The following CSGALNACT1 variants were observed in gnomAD, a reference collection of about 807,000 sequenced individuals.
CSGALNACT1 encodes the protein beta4GalNAcT-1.
CSGALNACT1 carries 52 observed loss-of-function variants against 51.0 expected under a neutral mutation model. That is an observed-to-expected ratio of 1.02 (90% confidence interval 0.82 to 1.29). CSGALNACT1 has a LOEUF of 1.29. Ranked by LOEUF, CSGALNACT1 falls within the 50% of genes most tolerant of loss-of-function variation. The pLI is 0.00. For missense variants in CSGALNACT1, 935 were observed against 679.2 expected, an observed-to-expected ratio of 1.38 and a Z score of -4.19; for synonymous variants, 341 against 254.4, an observed-to-expected ratio of 1.34 and a Z score of -3.24.
Position 19,601,810 on chromosome 8 carries a change from C to G in CSGALNACT1, c.-455G>C, listed in dbSNP as rs574353929. The G allele has an allele frequency of 5.1e-5, 23 of 454,062 alleles. No individual in the cohort carries two copies. Among genetic ancestry groups the G allele is most frequent in the African/African-American group, 4.2e-4 (21 of 50,114 alleles). The allele number at this position is 454,062 out of a possible 1,614,324, so 28.1% of individuals were successfully genotyped here. A position where few individuals can be genotyped will look rare whatever the true frequency, so the allele number is the denominator to read the frequency against. ...AGGGAAGGTTAGGAGGTGGCTACAT[C>G]ATTGCTCCTCTGGGTCAAAATTACC... On this transcript the variant is annotated 5_prime_UTR_variant, in exon 2 of 10. An upstream start codon of the reference 5' UTR is lost. Coordinates refer to ENST00000454498, the Ensembl canonical transcript of CSGALNACT1.
chr8:19,715,314 GA>G (rs1434807997), intron 1 of CSGALNACT1, among the ~76,000 whole-genome samples: 1 of 151,780 alleles, frequency 6.6e-6, no homozygotes, highest in Non-Finnish European at 1.5e-5. Flanking sequence ...TTTGGGTGGG[GA>G]CACAGAGCCA....
rs1298677118 is a variant in CSGALNACT1, at chr8:19,757,272, G to A, written c.-297+578C>T. The stretch of plus-strand genomic sequence containing the variant: ...CCTCCTGCGCGGCCGCCGCGGACTC[G>A]GCTCCACCTCCCGCTCCGGCAGCCG... On this transcript the variant is annotated intron_variant, in intron 1 of 1. Coordinates refer to the CSGALNACT1 transcript ENST00000517494. The surrounding 1 kb of genome is among the most constrained non-coding windows in gnomAD (Gnocchi z 4.0). 6.7e-6 allele frequency: 1 copy of A among 150,172 alleles called. No individual in the cohort carries two copies. 9.3% of individuals were successfully genotyped at this position (150,172 alleles called of 1,614,324 possible).
chr8:19,604,745 T>A (rs867236592), upstream of CSGALNACT1, among the ~76,000 whole-genome samples: 992 of 130,354 alleles, frequency 7.6e-3, 10 homozygotes, highest in African/African-American at 0.026. Context: ...GTCTCTACTT[T>A]AAAAAAAAAA....
At chr8:19,502,467 G>A (rs908028837) in intron 4 of CSGALNACT1, among the ~76,000 whole-genome samples, 4 of 152,184 alleles carry the variant, frequency 2.6e-5, no homozygotes, top group African/African-American at 9.7e-5. Flanking sequence ...AGGATCATCT[G>A]CAAGCATGCC....
chr8:19,429,058 G>C (rs1373443478), intron 6 of CSGALNACT1, among the ~76,000 whole-genome samples: 1 of 152,060 alleles, frequency 6.6e-6, no homozygotes, highest in East Asian at 1.9e-4. Flanking sequence ...GAAACAGTCA[G>C]TTCTAATCCC....
At chr8:19,592,577 C>A (rs2048058294) in intron 2 of CSGALNACT1, among the ~76,000 whole-genome samples, 1 of 152,084 alleles carries the variant, frequency 6.6e-6, no homozygotes, top group Non-Finnish European at 1.5e-5. Flanking sequence ...CATGGCAAAA[C>A]TCAGTCTCTA....
chr8:19,466,815 C>T (rs1034194669), intron 4 of CSGALNACT1, among the ~76,000 whole-genome samples: 5 of 152,222 alleles, frequency 3.3e-5, no homozygotes, highest in African/African-American at 1.2e-4. Flanking sequence ...CTTTCCCGTG[C>T]ATCACAGTTC....
chr8:19,407,782 CAT>C (rs2054574530), intron 9 of CSGALNACT1, among the ~76,000 whole-genome samples: 1 of 149,092 alleles, frequency 6.7e-6, no homozygotes, highest in African/African-American at 2.6e-5. Flanking sequence ...ATTGTGTGCA[CAT>C]GTGGACATTT....
intron 1 of CSGALNACT1, among the ~76,000 whole-genome samples, chr8:19,631,294 G>T (rs7008647): frequency 0.015 from 2,217 of 152,062 alleles, 54 homozygotes; most frequent in African/African-American, 0.05. Flanking sequence ...CTTCCCAAGT[G>T]GCTATACCAT....
rs116185800 is a variant in CSGALNACT1, at chr8:19,419,223, C to T, written c.1133-473G>A. Among the ~76,000 whole-genome samples the T allele has an allele frequency of 5.6e-3, 851 of 152,278 alleles. 17 individuals carry two copies. The highest frequency in any genetic ancestry group is 0.02 in the African/African-American group (819 of 41,560). On this transcript the variant is annotated intron_variant, in intron 7 of 9. Coordinates refer to ENST00000454498, the Ensembl canonical transcript of CSGALNACT1. ...TGCAGCACCAAGTGGACCAGACAGT[C>T]ATATCTGCAAATATTTCTGATCTCC...
intron 1 of CSGALNACT1, among the ~76,000 whole-genome samples, chr8:19,629,091 T>TA (rs1299277700): frequency 6.6e-6 from 1 of 152,210 alleles, no homozygotes; most frequent in African/African-American, 2.4e-5. Context: ...TAATTGGAGT[T>TA]ATTCAATCTA....
chr8:19,620,527 T>C (rs994539298), intron 1 of CSGALNACT1, among the ~76,000 whole-genome samples: 5 of 151,522 alleles, frequency 3.3e-5, no homozygotes, highest in African/African-American at 9.7e-5. Context: ...CCACCTCCCA[T>C]GCTCAAGCGA....
chr8:19,711,949 A>G (rs181677771), intron 1 of CSGALNACT1, among the ~76,000 whole-genome samples: 1 of 152,218 alleles, frequency 6.6e-6, no homozygotes. Flanking sequence ...TGCTAAACCC[A>G]TTGGACAGAT....
chr8:19,529,130 A>G (rs997982825), intron 3 of CSGALNACT1, among the ~76,000 whole-genome samples: 1 of 152,186 alleles, frequency 6.6e-6, no homozygotes, highest in African/African-American at 2.4e-5. Flanking sequence ...ACTGCAACAA[A>G]GCTCGGTGAG....
chr8:19,486,721 C>A (rs2073039708), intron 4 of CSGALNACT1, among the ~76,000 whole-genome samples: 1 of 152,178 alleles, frequency 6.6e-6, no homozygotes, highest in Non-Finnish European at 1.5e-5. Context: ...AGCCCCCAGC[C>A]CCCTTAAACG....
intron 6 of CSGALNACT1, among the ~76,000 whole-genome samples, chr8:19,423,293 A>G (rs1430215256): frequency 6.6e-6 from 1 of 152,252 alleles, no homozygotes; most frequent in African/African-American, 2.4e-5. Context: ...AATCATGTTG[A>G]GTAATTAAAT....
At chr8:19,453,374 T>G (rs1009457860) in intron 5 of CSGALNACT1, among the ~76,000 whole-genome samples, 4 of 152,156 alleles carry the variant, frequency 2.6e-5, no homozygotes, top group Admixed American at 1.3e-4. Context: ...AGAATAGATA[T>G]GTCAGAAAAT....
At chr8:19,637,139 G>C (rs984037311) in intron 1 of CSGALNACT1, among the ~76,000 whole-genome samples, 2 of 152,200 alleles carry the variant, frequency 1.3e-5, no homozygotes, top group Non-Finnish European at 1.5e-5. Context: ...CCAGGAGGCA[G>C]AGGTTGTAGT....
chr8:19,647,449 G>A (rs1263106634), intron 1 of CSGALNACT1, among the ~76,000 whole-genome samples: 1 of 152,068 alleles, frequency 6.6e-6, no homozygotes, highest in Non-Finnish European at 1.5e-5. Context: ...AAATAAAAGT[G>A]GCCATGTGTT....
Sources: gnomAD v4.1 joint callset for allele counts (sites outside exome capture counted in the v4.1 genomes callset) on GRCh38, gnomAD v4.1.1 for gene constraint, Gnocchi (gnomAD v3.1) non-coding constraint, MANE v1.5 for transcripts, NCBI Gene and HGNC (gene_info 2026-07-23, HGNC 2026-07-21) for gene names.